DCAF1: variants seen among roughly 807,000 people sequenced by gnomAD.
DCAF1 encodes the protein DDB1- and CUL4-associated factor 1.
In DCAF1, 15 loss-of-function variants were observed where a neutral mutation model predicts 128.0. The ratio of observed to expected loss-of-function variants is 0.12; its 90% confidence interval spans 0.08 to 0.18. The LOEUF is 0.18. DCAF1 is among the 10% of genes least tolerant of loss of function. The pLI, the probability that DCAF1 is intolerant of heterozygous loss-of-function variation, is 1.00. For missense variants in DCAF1, 988 were observed against 1,649.5 expected (o/e 0.60, Z 6.95); for synonymous variants, 610 against 603.0 (o/e 1.01, Z -0.17).
At chr3:51,463,632 A>C (rs1553645447) in intron 5 of DCAF1, among the ~76,000 whole-genome samples, 1 of 151,934 alleles carries the variant, frequency 6.6e-6, no homozygotes, top group African/African-American at 2.4e-5. Context: ...AAAATACAAA[A>C]ATTAGCCAAG....
intron 9 of DCAF1, chr3:51,438,137 T>TC: frequency 2.6e-6 from 1 of 390,898 alleles, no homozygotes; most frequent in East Asian, 7.1e-5. Context: ...GCATTTTTTT[T>TC]TAACTGTAAT....
At chr3:51,411,323 A>G (rs58836277) in intron 23 of DCAF1, among the ~76,000 whole-genome samples, 11,064 of 152,266 alleles carry the variant, frequency 0.073, 960 homozygotes, top group East Asian at 0.33. Flanking sequence ...TCAACTTTAC[A>G]GTACTCACTC....
intron 9 of DCAF1, among the ~76,000 whole-genome samples, chr3:51,438,781 T>C (rs1553637804): frequency 6.6e-6 from 1 of 152,124 alleles, no homozygotes; most frequent in Non-Finnish European, 1.5e-5. Flanking sequence ...CCAGCTAATT[T>C]TGCATTTTTA....
At chr3:51,406,600 C>A (rs149686259) in intron 23 of DCAF1, among the ~76,000 whole-genome samples, 2 of 152,218 alleles carry the variant, frequency 1.3e-5, no homozygotes, top group East Asian at 3.9e-4. Context: ...GCCCCCAAAC[C>A]CTGCAGATAA....
At position 51,470,978 on chromosome 3, in the gene DCAF1, A is replaced by C. The variant is rs1553648200; in HGVS notation, c.138T>G (p.Thr46=). The C allele has an allele frequency of 1.2e-6, 2 of 1,607,214 alleles. No homozygotes were observed. The highest frequency in any genetic ancestry group is 2.2e-5 in the East Asian group (1 of 44,794). The change falls in exon 4 of 25, where the codon ACT becomes ACG. Residue 46 remains threonine (T), a synonymous_variant. Transcript: ENST00000684031. ...TRMSQLIEKE[T]EEYRKGDPDP... ...CTGGATCCCCTTTACGATACTCTTC[A>C]GTTTCTTTTTCAATCAATTGAGACA...
In DCAF1 at chr3:51,472,955, C is replaced by T. The variant is rs1252674119; in HGVS notation, c.111-1950G>A. On this transcript the variant is annotated intron_variant, in intron 3 of 24. Transcript: ENST00000684031. ...TGCTGGTTATAGGCGTGAGCCACCACGCCCGGTTATTCATGCATTATTTAT... is the reference window on the plus strand; with the variant it reads ...TGCTGGTTATAGGCGTGAGCCACCATGCCCGGTTATTCATGCATTATTTAT... Among the ~76,000 whole-genome samples the T allele has an allele frequency of 1.1e-4, 16 of 151,470 alleles. 3 individuals are homozygous for T. Among genetic ancestry groups the T allele is most frequent in the African/African-American group, 9.7e-5 (4 of 41,316 alleles).
At chr3:51,398,886 T>A (rs2089427698) in intron 24 of DCAF1, 59 bp from the exon 25 acceptor site, 1 of 1,547,864 alleles carries the variant, frequency 6.5e-7, no homozygotes, top group Non-Finnish European at 8.7e-7. Flanking sequence ...GAAGCTTTCC[T>A]ACAGAAGCAC....
intron 6 of DCAF1, among the ~76,000 whole-genome samples, chr3:51,459,006 T>C (rs1251199528): frequency 3.9e-5 from 6 of 151,916 alleles, no homozygotes; most frequent in Non-Finnish European, 5.9e-5. Context: ...TTAAAAGAGC[T>C]AGAAAAGCAA....
At chr3:51,433,751 C>G (rs1490735245) in intron 9 of DCAF1, among the ~76,000 whole-genome samples, 1 of 151,014 alleles carries the variant, frequency 6.6e-6, no homozygotes, top group South Asian at 2.1e-4. Context: ...GCGTGAGCCA[C>G]CATGCCCAGC....
intron 2 of DCAF1, among the ~76,000 whole-genome samples, chr3:51,487,889 G>A (rs1216504235): frequency 1.3e-5 from 2 of 151,788 alleles, no homozygotes; most frequent in Non-Finnish European, 2.9e-5. Context: ...TTTGGAGACG[G>A]AGTCTTGCTC....
chr3:51,452,302 T>C (rs566249592), intron 6 of DCAF1, among the ~76,000 whole-genome samples: 3 of 152,276 alleles, frequency 2.0e-5, no homozygotes, highest in South Asian at 2.1e-4. Context: ...CACCAATAGC[T>C]AATTTGTTGA....
chr3:51,461,252 G>C (rs1399861435), intron 6 of DCAF1, among the ~76,000 whole-genome samples: 3 of 151,960 alleles, frequency 2.0e-5, no homozygotes, highest in African/African-American at 4.8e-5. Flanking sequence ...GTGGGCGAAG[G>C]ATATGAACAG....
At chr3:51,407,984 CAAAAAAAAAAAAA>C (rs59224025) in intron 23 of DCAF1, among the ~76,000 whole-genome samples, 4,211 of 52,770 alleles carry the variant, frequency 0.08, 171 homozygotes, top group Non-Finnish European at 0.097. Flanking sequence ...GACTCCATCT[CAAAAAAAAAAAAA>C]AAAAAAAAAA....
chr3:51,398,974 T>C (rs2089436676), intron 24 of DCAF1, 147 bp from the exon 25 acceptor site: 1 of 1,035,190 alleles, frequency 9.7e-7, no homozygotes, highest in Admixed American at 2.3e-5. Context: ...AATTAACTCC[T>C]TGGAGCTGGC....
intron 2 of DCAF1, 31 bp from the exon 3 acceptor site, chr3:51,483,867 C>A: frequency 6.8e-7 from 1 of 1,463,548 alleles, no homozygotes; most frequent in South Asian, 1.1e-5. Context: ...ATAAAAAAGA[C>A]AACCAATAAA....
chr3:51,406,497 T>A (rs572492118), intron 23 of DCAF1, among the ~76,000 whole-genome samples: 1 of 152,208 alleles, frequency 6.6e-6, no homozygotes, highest in East Asian at 1.9e-4. Flanking sequence ...CCAGGCCATT[T>A]TAAATTAAGG....
At chr3:51,442,182 C>T (rs781987222) in intron 7 of DCAF1, among the ~76,000 whole-genome samples, 1 of 152,136 alleles carries the variant, frequency 6.6e-6, no homozygotes, top group Non-Finnish European at 1.5e-5. Flanking sequence ...TGACCTGGAC[C>T]ATCACACCTG....
intron 3 of DCAF1, among the ~76,000 whole-genome samples, chr3:51,477,950 G>T (rs1036039100): frequency 6.6e-6 from 1 of 151,794 alleles, no homozygotes; most frequent in Non-Finnish European, 1.5e-5. Flanking sequence ...GCCTGATTTG[G>T]AACTTCATCA....
chr3:51,440,911 T>TA (rs138532978), intron 9 of DCAF1, 59 bp downstream of exon 9: 73,670 of 1,391,638 alleles, frequency 0.053, 1,693 homozygotes, highest in Non-Finnish European at 0.062. Flanking sequence ...ATCTTAAATT[T>TA]AAAAAAAAAC....
Sources: allele counts gnomAD v4.1 joint callset (sites outside exome capture counted in the v4.1 genomes callset), GRCh38; gene constraint gnomAD v4.1.1; transcripts MANE v1.5; gene names NCBI Gene and HGNC (gene_info 2026-07-23, HGNC 2026-07-21).